DGKG: variants seen among roughly 807,000 people sequenced by gnomAD.
DGKG encodes the protein DAG kinase gamma.
Under a neutral mutation model 105.3 loss-of-function variants are expected in DGKG, and 78 were observed. That is an observed-to-expected ratio of 0.74 (90% CI 0.62 to 0.89). The LOEUF is 0.89. Among genes scored for constraint, DGKG ranks in the 40% least tolerant of loss-of-function variants. DGKG has a pLI of 0.00. For synonymous variants in DGKG, 346 were observed against 367.1 expected (o/e 0.94, Z 0.66); for missense variants, 958 against 1,020.1 (o/e 0.94, Z 0.83).
chr3:186,264,248 T>TA (rs1201781457), intron 14 of DGKG, among the ~76,000 whole-genome samples: 6 of 152,288 alleles, frequency 3.9e-5, no homozygotes, highest in African/African-American at 1.4e-4. Context: ...CATTCGGCCT[T>TA]ATGTTTCACT....
intron 24 of DGKG, chr3:186,159,271 G>A (rs1212094167): frequency 1.3e-5 from 2 of 151,884 alleles, no homozygotes; most frequent in Non-Finnish European, 1.5e-5. Flanking sequence ...GATTTGAAAG[G>A]TGTGCACCCT....
At chr3:186,274,538 TC>T (rs1375967608) in intron 10 of DGKG, among the ~76,000 whole-genome samples, 2 of 73,324 alleles carry the variant, frequency 2.7e-5, no homozygotes, top group Admixed American at 2.2e-4. Context: ...CCCTCCCCCC[TC>T]CCCCCACCCC....
In DGKG at chr3:186,243,895, G is replaced by GTTTTTTTTTTTTTTTTTTTTTTTTTT. The variant is rs34134152; in HGVS notation, c.1762-1328_1762-1327insAAAAAAAAAAAAAAAAAAAAAAAAAA. 4.2e-4 allele frequency among the ~76,000 whole-genome samples: 49 copies of GTTTTTTTTTTTTTTTTTTTTTTTTTT among 116,306 alleles called. 5 individuals are homozygous for GTTTTTTTTTTTTTTTTTTTTTTTTTT. Among genetic ancestry groups the GTTTTTTTTTTTTTTTTTTTTTTTTTT allele is most frequent in the African/African-American group, 1.7e-3 (46 of 27,548 alleles). The allele number at this position is 116,306 out of a possible 152,430, so 76.3% of individuals were successfully genotyped here. A position where few individuals can be genotyped will look rare whatever the true frequency, so the allele number is the denominator to read the frequency against. ...CTATTTCTTATATGAAAATTTCTGT[G>GTTTTTTTTTTTTTTTTTTTTTTTTTT]TTTTTTTTTTTTTTTTTTGAGATGG... On this transcript the variant is annotated intron_variant, in intron 19 of 24. Transcript: ENST00000265022.
rs973286118 is a variant in DGKG, at chr3:186,210,492, GAT to G, written c.1917+1301_1917+1302del. On this transcript the variant is annotated intron_variant, in intron 21 of 24. Transcript: ENST00000265022. The surrounding 1 kb of genome is among the most constrained non-coding windows in gnomAD (Gnocchi z 5.2). Reference sequence around the variant, plus strand: ...TACCAAGCTGGCCAAAAGTTCAGGGGATTAGCCAGATCGGCGCCTCCCACCCT... The same window carrying G: ...TACCAAGCTGGCCAAAAGTTCAGGGGTAGCCAGATCGGCGCCTCCCACCCT... Among the ~76,000 whole-genome samples, 3 of 152,218 alleles carry G rather than the reference GAT, an allele frequency of 2.0e-5. No individual in the cohort carries two copies. The highest frequency in any genetic ancestry group is 4.4e-5 in the Non-Finnish European group (3 of 68,046).
intron 19 of DGKG, among the ~76,000 whole-genome samples, chr3:186,248,961 G>T (rs1721076254): frequency 6.6e-6 from 1 of 152,164 alleles, no homozygotes; most frequent in South Asian, 2.1e-4. Flanking sequence ...GTTACTATAG[G>T]AAAAAGACAT....
intron 20 of DGKG, among the ~76,000 whole-genome samples, chr3:186,229,832 T>C (rs1720055242): frequency 6.6e-6 from 1 of 152,212 alleles, no homozygotes; most frequent in African/African-American, 2.4e-5. Flanking sequence ...CAGTGGATCC[T>C]GAAGAGAGTC....
intron 1 of DGKG, among the ~76,000 whole-genome samples, chr3:186,352,995 A>G (rs1362894946): frequency 6.6e-6 from 1 of 152,142 alleles, no homozygotes; most frequent in Admixed American, 6.5e-5. Context: ...CTCATCTCCC[A>G]TAACTTTCTG....
chr3:186,218,536 C>T (rs556749480), intron 20 of DGKG, among the ~76,000 whole-genome samples: 125 of 146,158 alleles, frequency 8.6e-4, no homozygotes, highest in African/African-American at 2.9e-3. Flanking sequence ...ATGAAAGACT[C>T]GGACCAACTG....
At chr3:186,293,306 C>G (rs1435885870) in intron 5 of DGKG, among the ~76,000 whole-genome samples, 1 of 152,224 alleles carries the variant, frequency 6.6e-6, no homozygotes, top group Admixed American at 6.5e-5. Flanking sequence ...CTTGACACCA[C>G]TGATCTTTGT....
chr3:186,177,552 T>C (rs1158775577), intron 22 of DGKG, among the ~76,000 whole-genome samples: 3 of 152,248 alleles, frequency 2.0e-5, no homozygotes, highest in African/African-American at 7.2e-5. Context: ...TTGCTCATTA[T>C]GCCAATATTA....
intron 1 of DGKG, among the ~76,000 whole-genome samples, chr3:186,323,712 G>A (rs144237640): frequency 1.6e-4 from 24 of 152,114 alleles, no homozygotes; most frequent in African/African-American, 5.1e-4. Flanking sequence ...CGAGACGGGC[G>A]GATCACAAGG....
At chr3:186,323,489 T>C (rs1725178238) in intron 1 of DGKG, among the ~76,000 whole-genome samples, 1 of 152,186 alleles carries the variant, frequency 6.6e-6, no homozygotes, top group Non-Finnish European at 1.5e-5. Flanking sequence ...GAGCCACTAG[T>C]GCTTCTGTTT....
At chr3:186,325,181 C>A (rs1725276854) in intron 1 of DGKG, among the ~76,000 whole-genome samples, 1 of 151,848 alleles carries the variant, frequency 6.6e-6, no homozygotes, top group African/African-American at 2.4e-5. Context: ...TAAGTGGGAG[C>A]TAAACATTGG....
chr3:186,269,061 G>A (rs566120237), intron 11 of DGKG, 144 bp from the exon 12 acceptor site: 1 of 630,612 alleles, frequency 1.6e-6, no homozygotes. Flanking sequence ...TGGATGTTGG[G>A]TGGCTTGCCT....
At chr3:186,303,757 T>C (rs1157811427) in intron 3 of DGKG, among the ~76,000 whole-genome samples, 2 of 152,136 alleles carry the variant, frequency 1.3e-5, no homozygotes, top group Non-Finnish European at 2.9e-5. Flanking sequence ...AATCACTTGG[T>C]ACTGATGGGC....
chr3:186,343,733 TATA>T (rs1016439705), intron 1 of DGKG, among the ~76,000 whole-genome samples: 1 of 152,232 alleles, frequency 6.6e-6, no homozygotes, highest in Non-Finnish European at 1.5e-5. Flanking sequence ...ATTATCCAAC[TATA>T]ATGACAATTA....
chr3:186,325,256 G>A (rs1294356761), intron 1 of DGKG, among the ~76,000 whole-genome samples: 1 of 152,094 alleles, frequency 6.6e-6, no homozygotes, highest in Admixed American at 6.5e-5. Flanking sequence ...CAGGGGGAAG[G>A]GGCAAAGGCT....
In DGKG at chr3:186,251,646, G is replaced by T. The variant is rs548651518; in HGVS notation, c.1761+113C>A. 1.9e-4 allele frequency: 226 copies of T among 1,218,164 alleles called. 1 individual carries two copies. The South Asian group carries it at 2.7e-3, about 15-fold the overall frequency. The allele number at this position is 1,218,164 out of a possible 1,614,324, so 75.5% of individuals were successfully genotyped here. A position where few individuals can be genotyped will look rare whatever the true frequency, so the allele number is the denominator to read the frequency against. ...GAATGCTTGGACCCAACTCAGGGCT[G>T]GGGGGGCAGGTAAGACAGGTAGACA... On this transcript the variant is annotated intron_variant, in intron 19 of 24. Transcript: ENST00000265022.
intron 16 of DGKG, among the ~76,000 whole-genome samples, chr3:186,259,475 GTTTC>G (rs1364103312): frequency 6.6e-6 from 1 of 152,158 alleles, no homozygotes; most frequent in Non-Finnish European, 1.5e-5. Context: ...CCGCACTTAT[GTTTC>G]TTTCTCTTTT....
Sources: allele counts gnomAD v4.1 joint callset (sites outside exome capture counted in the v4.1 genomes callset), GRCh38; gene constraint gnomAD v4.1.1; non-coding constraint Gnocchi (gnomAD v3.1); transcripts MANE v1.5; gene names NCBI Gene and HGNC (gene_info 2026-07-23, HGNC 2026-07-21).